The following TANC2 variants were observed in gnomAD, a reference collection of about 807,000 sequenced individuals.
TANC2 encodes the protein tetratricopeptide repeat, ankyrin repeat and coiled-coil containing 2, also known as protein TANC2.
In TANC2, 26 loss-of-function variants were observed where a neutral mutation model predicts 210.5. That is an observed-to-expected ratio of 0.12 (90% CI 0.09 to 0.17). The LOEUF is 0.17. Ranked by LOEUF, TANC2 falls within the 10% of genes least tolerant of loss-of-function variation. The pLI is 1.00. For synonymous variants in TANC2, 931 were observed against 967.1 expected (o/e 0.96, Z 0.69); for missense variants, 2,129 against 2,608.9 (o/e 0.82, Z 4.01).
chr17:63,356,862 A>G (rs1409168168), intron 14 of TANC2, among the ~76,000 whole-genome samples: 2 of 152,206 alleles, frequency 1.3e-5, no homozygotes, highest in East Asian at 3.8e-4. Context: ...CTAGAATAGT[A>G]CAGAGTAAAA....
chr17:63,423,187 T>C (rs1599100469), exon 28 of TANC2: 1 of 152,202 alleles, frequency 6.6e-6, no homozygotes, highest in Non-Finnish European at 1.5e-5. Flanking sequence ...TAGGAGTGTT[T>C]ATGAGAGTGT....
chr17:63,356,659 G>C (rs531974409), intron 14 of TANC2, among the ~76,000 whole-genome samples: 7 of 152,168 alleles, frequency 4.6e-5, no homozygotes, highest in Admixed American at 4.6e-4. Context: ...AAAGAAACAT[G>C]CTGTAGTGGA....
At chr17:63,104,967 G>A (rs1250411946) in intron 4 of TANC2, among the ~76,000 whole-genome samples, 1 of 151,636 alleles carries the variant, frequency 6.6e-6, no homozygotes, top group African/African-American at 2.4e-5. Flanking sequence ...ATTAGTACAT[G>A]TAAAGCACGT....
At chr17:63,413,987 T>C (rs2048785232) in intron 25 of TANC2, among the ~76,000 whole-genome samples, 1 of 152,250 alleles carries the variant, frequency 6.6e-6, no homozygotes, top group Non-Finnish European at 1.5e-5. Flanking sequence ...TGATCCTAGC[T>C]TTCATATGTC....
rs2035579824 is a variant in TANC2, at chr17:63,051,483, CT to C, written c.68-22459del. Reference sequence around the variant, plus strand: ...TTTGTTTATTTATCTCTGGTATTATCTGTTGAAACTGTATGTTGAGGGGGAT... The same window carrying C: ...TTTGTTTATTTATCTCTGGTATTATCGTTGAAACTGTATGTTGAGGGGGAT... On this transcript the variant is annotated intron_variant, in intron 2 of 27. Coordinates refer to ENST00000689528, the Ensembl canonical transcript of TANC2. 5.9e-5 allele frequency among the ~76,000 whole-genome samples: 9 copies of C among 152,302 alleles called. No individual in the cohort carries two copies. The South Asian group carries it at 1.9e-3, about 32-fold the overall frequency.
chr17:63,335,447 C>T (rs2045993782), intron 11 of TANC2, among the ~76,000 whole-genome samples: 1 of 151,994 alleles, frequency 6.6e-6, no homozygotes, highest in Admixed American at 6.6e-5. Flanking sequence ...CCCACCTCTA[C>T]TAAAAATACA....
At chr17:63,318,920 A>C (rs747283695) in intron 10 of TANC2, 37 bp from the exon 11 acceptor site, 1 of 1,610,470 alleles carries the variant, frequency 6.2e-7, no homozygotes, top group Non-Finnish European at 8.5e-7. Flanking sequence ...AGTTTTTATG[A>C]TTATCTGATG....
At chr17:63,220,078 G>A (rs1258645671) in intron 7 of TANC2, among the ~76,000 whole-genome samples, 3 of 151,872 alleles carry the variant, frequency 2.0e-5, no homozygotes, top group Admixed American at 1.3e-4. Context: ...GTGGATCACC[G>A]GAGGTCAGGC....
intron 1 of TANC2, chr17:62,978,547 G>GT (rs2143378088): frequency 6.6e-6 from 1 of 152,442 alleles, no homozygotes; most frequent in East Asian, 1.9e-4. Context: ...AGCTTAGTAT[G>GT]TTGACAGTAT....
chr17:63,280,264 A>T (rs2044020376), intron 9 of TANC2, among the ~76,000 whole-genome samples: 1 of 152,092 alleles, frequency 6.6e-6, no homozygotes, highest in Non-Finnish European at 1.5e-5. Flanking sequence ...ACACTCTCGA[A>T]TTTCACAGAT....
intron 7 of TANC2, among the ~76,000 whole-genome samples, chr17:63,236,493 T>C (rs893133070): frequency 5.3e-5 from 8 of 152,152 alleles, no homozygotes; most frequent in African/African-American, 1.4e-4. Flanking sequence ...GATTTTCTTT[T>C]AAATTCACTG....
chr17:63,087,458 T>C (rs1156382024), intron 3 of TANC2, among the ~76,000 whole-genome samples: 2 of 152,110 alleles, frequency 1.3e-5, no homozygotes, highest in African/African-American at 4.8e-5. Context: ...TTCTCCCTTC[T>C]CATAGTTAGG....
intron 1 of TANC2, chr17:62,978,675 G>C (rs1420417070): frequency 1.3e-5 from 2 of 152,238 alleles, no homozygotes; most frequent in Non-Finnish European, 2.9e-5. Flanking sequence ...TTTGGCCTCT[G>C]TATAGGTGCT....
chr17:63,377,224 T>C (rs1202972957), intron 14 of TANC2, among the ~76,000 whole-genome samples: 2 of 152,212 alleles, frequency 1.3e-5, no homozygotes, highest in African/African-American at 4.8e-5. Context: ...ATTTTCCCCA[T>C]TGGCTTGGTG....
chr17:63,308,201 A>G (rs1393872431), intron 9 of TANC2, among the ~76,000 whole-genome samples: 1 of 152,250 alleles, frequency 6.6e-6, no homozygotes, highest in Admixed American at 6.5e-5. Context: ...ATTTCTTCTT[A>G]TATTTTAATT....
chr17:63,279,465 T>C (rs2043995226), intron 9 of TANC2, among the ~76,000 whole-genome samples: 1 of 151,390 alleles, frequency 6.6e-6, no homozygotes, highest in Admixed American at 6.6e-5. Context: ...TACCCTGATA[T>C]AATACCTGTG....
intron 3 of TANC2, among the ~76,000 whole-genome samples, chr17:63,091,629 T>G (rs1177802089): frequency 3.3e-5 from 5 of 152,232 alleles, no homozygotes; most frequent in Non-Finnish European, 4.4e-5. Flanking sequence ...TAGTATAGTT[T>G]GAAGTCAGGT....
intron 9 of TANC2, among the ~76,000 whole-genome samples, chr17:63,281,963 C>T (rs562305206): frequency 1.1e-4 from 16 of 152,030 alleles, no homozygotes; most frequent in Non-Finnish European, 2.2e-4. Flanking sequence ...GCCCTAGGGA[C>T]ACCTTGATTT....
chr17:63,310,350 G>A (rs1162692444), intron 9 of TANC2, among the ~76,000 whole-genome samples: 1 of 152,166 alleles, frequency 6.6e-6, no homozygotes, highest in East Asian at 1.9e-4. Flanking sequence ...AGGAGGCTGA[G>A]GCAGGAGAAT....
Sources: allele counts gnomAD v4.1 joint callset (sites outside exome capture counted in the v4.1 genomes callset), GRCh38; gene constraint gnomAD v4.1.1; transcripts MANE v1.5; gene names NCBI Gene and HGNC (gene_info 2026-07-23, HGNC 2026-07-21).